GPHN: variants seen among roughly 807,000 people sequenced by gnomAD.
GPHN encodes gephyrin.
Under a neutral mutation model 95.5 loss-of-function variants are expected in GPHN, and 17 were observed. That is an observed-to-expected ratio of 0.18 (90% confidence interval 0.12 to 0.27). The LOEUF (loss-of-function observed/expected upper bound fraction) is 0.27. GPHN is among the 10% of genes least tolerant of loss of function. GPHN has a pLI of 1.00. For missense variants in GPHN, 660 were observed against 978.1 expected (o/e 0.67, Z 4.34); for synonymous variants, 320 against 322.5 (o/e 0.99, Z 0.08).
chr14:66,989,043 C>T lies in GPHN; in HGVS notation c.963+23718C>T, dbSNP rs375369463. Among the ~76,000 whole-genome samples the T allele has an allele frequency of 6.6e-5, 10 of 152,008 alleles. No individual in the cohort carries two copies. The South Asian group carries it at 1.0e-3, about 16-fold the overall frequency. On this transcript the variant is annotated intron_variant, in intron 9 of 22. Transcript: ENST00000478722. ...CCACACATAGTCATGTGTATCTCTA[C>T]GCTAAATTTCTGATTATTGAAATAC...
the GPHN span, among the ~76,000 whole-genome samples, chr14:67,435,919 G>C: frequency 6.6e-6 from 1 of 152,234 alleles, no homozygotes; most frequent in Non-Finnish European, 1.5e-5. Context: ...AAAGAGCTTA[G>C]CAGGCAGTCT....
intron 18 of GPHN, among the ~76,000 whole-genome samples, chr14:67,159,146 A>AT (rs1316947774): frequency 6.6e-6 from 1 of 152,134 alleles, no homozygotes; most frequent in Non-Finnish European, 1.5e-5. Context: ...TTCTGTGAGG[A>AT]CAGGGATGTT....
chr14:66,751,285 G>A (rs898167299), intron 2 of GPHN, among the ~76,000 whole-genome samples: 1 of 151,950 alleles, frequency 6.6e-6, no homozygotes, highest in African/African-American at 2.4e-5. Flanking sequence ...CTTTCAGAAT[G>A]GTTGAACCAA....
the GPHN span, among the ~76,000 whole-genome samples, chr14:67,596,388 G>A: frequency 1.5e-5 from 2 of 131,834 alleles, no homozygotes; most frequent in African/African-American, 2.8e-5. Flanking sequence ...CAATCCACCC[G>A]CCTCAGCCTC....
In GPHN at chr14:66,942,918, TG is replaced by T. The variant is rs1479960950; in HGVS notation, c.828+18627del. 5.4e-4 allele frequency among the ~76,000 whole-genome samples: 82 copies of T among 152,312 alleles called. 2 individuals carry two copies. Among genetic ancestry groups the T allele is most frequent in the African/African-American group, 1.9e-3 (80 of 41,568 alleles). On this transcript the variant is annotated intron_variant, in intron 8 of 22. Transcript: ENST00000478722. ...TATGAAATAGAATTCCAGATTACCA[TG>T]AATTATTTATTTTGCCAAAATGATG...
the GPHN span, among the ~76,000 whole-genome samples, chr14:67,356,664 C>T: frequency 3.9e-3 from 590 of 152,286 alleles, no homozygotes; most frequent in Middle Eastern, 0.014. Context: ...TTTGATTCCA[C>T]TGACTTTCCC....
the GPHN span, among the ~76,000 whole-genome samples, chr14:67,547,837 C>T: frequency 6.6e-6 from 1 of 152,188 alleles, no homozygotes; most frequent in South Asian, 2.1e-4. Flanking sequence ...TTTAAAAAAG[C>T]AGAAACATCA....
chr14:67,103,511 CTTTTTT>C, intron 13 of GPHN, among the ~76,000 whole-genome samples: 3 of 53,396 alleles, frequency 5.6e-5, no homozygotes, highest in African/African-American at 1.6e-4. Context: ...GTTTCTTTCT[CTTTTTT>C]TTTTTTTTTT....
At chr14:67,364,726 C>G in the GPHN span, 3 of 1,550,252 alleles carry the variant, frequency 1.9e-6, no homozygotes, top group Non-Finnish European at 2.6e-6. Context: ...TTATTTTCAC[C>G]TTAACTGAAT....
chr14:66,598,472 C>G (rs950000390), intron 1 of GPHN, among the ~76,000 whole-genome samples: 1 of 152,068 alleles, frequency 6.6e-6, no homozygotes, highest in Non-Finnish European at 1.5e-5. Context: ...AGTGGTCTTA[C>G]TTCAGATGTG....
chr14:67,636,276 A>C, the GPHN span, among the ~76,000 whole-genome samples: 1 of 151,796 alleles, frequency 6.6e-6, no homozygotes, highest in African/African-American at 2.4e-5. Context: ...AAAAAAACCC[A>C]AAAAACAAAA....
the GPHN span, among the ~76,000 whole-genome samples, chr14:67,715,950 C>T: frequency 6.6e-6 from 1 of 152,140 alleles, no homozygotes; most frequent in Admixed American, 6.5e-5. Flanking sequence ...AATCCCAGCA[C>T]TTTGGGAGGC....
At chr14:67,263,524 A>T in the GPHN span, among the ~76,000 whole-genome samples, 1 of 152,248 alleles carries the variant, frequency 6.6e-6, no homozygotes, top group African/African-American at 2.4e-5. Context: ...TGAACTAAGA[A>T]TTAATCTTTA....
chr14:67,024,767 G>C (rs181557480), intron 10 of GPHN, among the ~76,000 whole-genome samples: 1 of 152,204 alleles, frequency 6.6e-6, no homozygotes, highest in East Asian at 1.9e-4. Context: ...TAATGTTCAG[G>C]GTTTTTATTG....
intron 1 of GPHN, among the ~76,000 whole-genome samples, chr14:66,547,192 G>A (rs1488166721): frequency 6.6e-6 from 1 of 152,028 alleles, no homozygotes; most frequent in African/African-American, 2.4e-5. Context: ...TTTTGTAGAT[G>A]GGTGAAAAAT....
At chr14:67,418,673 C>A in the GPHN span, among the ~76,000 whole-genome samples, 39 of 152,162 alleles carry the variant, frequency 2.6e-4, no homozygotes, top group Non-Finnish European at 4.4e-5. Flanking sequence ...ACACTGAGAT[C>A]TGGGGTGGAG....
chr14:67,373,895 TTCCTTAAAC>T, the GPHN span, among the ~76,000 whole-genome samples: 1 of 151,404 alleles, frequency 6.6e-6, no homozygotes, highest in East Asian at 1.9e-4. Context: ...GATAGCCTCT[TTCCTTAAAC>T]TAAATGAACA....
intron 19 of GPHN, 34 bp from the exon 20 acceptor site, chr14:67,165,128 C>T (rs536347040): frequency 2.0e-5 from 28 of 1,424,084 alleles, no homozygotes; most frequent in Non-Finnish European, 2.7e-5. Flanking sequence ...TATTGCTTAG[C>T]AATCACTAAC....
the GPHN span, among the ~76,000 whole-genome samples, chr14:67,291,315 G>A: frequency 2.7e-5 from 4 of 147,910 alleles, no homozygotes; most frequent in Non-Finnish European, 4.5e-5. Flanking sequence ...TGCAACCTCC[G>A]CCTCCTGGGT....
Sources: allele counts gnomAD v4.1 joint callset (sites outside exome capture counted in the v4.1 genomes callset), GRCh38; gene constraint gnomAD v4.1.1; transcripts MANE v1.5; gene names NCBI Gene and HGNC (gene_info 2026-07-23, HGNC 2026-07-21).